Variants in CTDP1 observed in about 807,000 individuals in gnomAD.
CTDP1 encodes RNA polymerase II subunit A C-terminal domain phosphatase.
CTDP1 carries 47 observed loss-of-function variants against 91.8 expected under a neutral mutation model. That is an observed-to-expected ratio of 0.51 (90% CI 0.41 to 0.65). The LOEUF is 0.65. Among genes scored for constraint, CTDP1 ranks in the 30% least tolerant of loss-of-function variants. CTDP1 has a pLI of 0.00. For synonymous variants in CTDP1, 656 were observed against 598.5 expected, an observed-to-expected ratio of 1.10 and a Z score of -1.40; for missense variants, 1,272 against 1,373.7, an observed-to-expected ratio of 0.93 and a Z score of 1.17.
chr18:79,732,857 CA>C (rs1252170783), intron 11 of CTDP1, among the ~76,000 whole-genome samples: 5 of 152,094 alleles, frequency 3.3e-5, no homozygotes, highest in Admixed American at 1.3e-4. Flanking sequence ...GGAGCGCTCC[CA>C]AAATCATGTG....
At chr18:79,690,584 C>G (rs1156840861) in intron 1 of CTDP1, among the ~76,000 whole-genome samples, 1 of 152,216 alleles carries the variant, frequency 6.6e-6, no homozygotes, top group East Asian at 1.9e-4. Flanking sequence ...CCCCTGTTTT[C>G]TGTCAGCATC....
rs1474846600 is a variant in CTDP1 at position 79,753,835 on chromosome 18, G to T, written c.*45G>T. ...ACTGAAGCCTGACCGACCTCCAGCA[G>T]CACTCGGACGTCCCCGGACCAGCCC... On this transcript the variant is annotated 3_prime_UTR_variant, in exon 13 of 13. Transcript: ENST00000613122. The T allele has an allele frequency of 6.2e-7, 1 of 1,600,052 alleles. No individual in the cohort carries two copies. The highest frequency in any genetic ancestry group is 1.1e-5 in the South Asian group (1 of 89,528).
intron 10 of CTDP1, among the ~76,000 whole-genome samples, chr18:79,723,095 G>A (rs899151967): frequency 1.3e-5 from 2 of 152,194 alleles, no homozygotes; most frequent in East Asian, 1.9e-4. Context: ...CTGTATAAAC[G>A]GGTCCAGCGT....
chr18:79,703,955 A>G (rs2085910899), intron 4 of CTDP1, among the ~76,000 whole-genome samples: 1 of 152,058 alleles, frequency 6.6e-6, no homozygotes, highest in Non-Finnish European at 1.5e-5. Context: ...CGTTGCAGGC[A>G]GGTAGCTATT....
intron 11 of CTDP1, among the ~76,000 whole-genome samples, chr18:79,733,106 GCTGTGGCCTCAGCACAGGACGAAT>G (rs1190426994): frequency 6.6e-6 from 1 of 152,244 alleles, no homozygotes; most frequent in Non-Finnish European, 1.5e-5. Context: ...CAGTCCTCGT[GCTGTGGCCTCAGCACAGGACGAAT>G]GTGTGTTGTG....
chr18:79,705,013 C>T lies in CTDP1; in HGVS notation c.772+96C>T, dbSNP rs902261104. 10 of 1,558,810 alleles carry T rather than the reference C, an allele frequency of 6.4e-6. No individual in the cohort carries two copies. The African/African-American group carries it at 1.2e-4, about 19-fold the overall frequency. On this transcript the variant is annotated intron_variant, in intron 5 of 12. Coordinates refer to ENST00000613122, the MANE Select transcript of CTDP1 (RefSeq NM_004715.5). ...TAAAGATGAAGAAAGAAAAGAAGCT[C>T]TCCTGCAACTCAGTTGTAGTCTTAG... is the stretch of plus-strand genomic sequence containing the variant.
In CTDP1 at chr18:79,751,335, CAG is replaced by C. The variant is rs998476045; in HGVS notation, c.2748-2314_2748-2313del. Among the ~76,000 whole-genome samples, 22 of 149,110 alleles carry C rather than the reference CAG, an allele frequency of 1.5e-4. No homozygotes were observed. In the East Asian group the frequency reaches 4.1e-3, roughly 28 times the overall value. ...AGGCCAGGGAGGGAGGGGCTGGGCA[CAG>C]AGGCAGGTCCAGGAGGGAAGGAGGG... On this transcript the variant is annotated intron_variant, in intron 12 of 12. Transcript: ENST00000613122.
rs182288377 is a variant in CTDP1, at chr18:79,733,743, A to G, written c.2581-2612A>G. ...TCTTGTTTCCCGTCCTCTCTCTTGA[A>G]GCCGTCCCACCTCACTCCAGCGCAG... On this transcript the variant is annotated intron_variant, in intron 11 of 12. Transcript: ENST00000613122. Among the ~76,000 whole-genome samples the G allele has an allele frequency of 3.9e-3, 587 of 152,218 alleles. 7 individuals carry two copies. Among genetic ancestry groups the G allele is most frequent in the African/African-American group, 0.013 (546 of 41,522 alleles).
At chr18:79,716,558 G>A (rs1253660488) in intron 8 of CTDP1, among the ~76,000 whole-genome samples, 1 of 152,012 alleles carries the variant, frequency 6.6e-6, no homozygotes, top group Admixed American at 6.5e-5. Context: ...TCTCCTGAGC[G>A]TGGAGCCGGG....
intron 11 of CTDP1, chr18:79,736,091 C>G (rs1229314007): frequency 9.1e-6 from 5 of 551,108 alleles, no homozygotes; most frequent in Non-Finnish European, 1.3e-5. Context: ...AGTCCCTGTT[C>G]ACATAAGGGA....
intron 1 of CTDP1, among the ~76,000 whole-genome samples, chr18:79,690,579 G>C (rs1012256519): frequency 1.1e-4 from 16 of 152,200 alleles, no homozygotes; most frequent in African/African-American, 3.1e-4. Context: ...TTTCACCCCT[G>C]TTTTCTGTCA....
chr18:79,724,096 G>A lies in CTDP1; in HGVS notation c.2418-4811G>A, dbSNP rs191312839. On this transcript the variant is annotated intron_variant, in intron 10 of 12. Transcript: ENST00000613122. ...CAAAATTGGGAATGCTCCAAGGTTC[G>A]CATCTTTCTGAGCACGAAGATTCGC... Among the ~76,000 whole-genome samples the A allele has an allele frequency of 5.4e-4, 83 of 152,306 alleles. 1 individual carries two copies. The highest frequency in any genetic ancestry group is 5.9e-5 in the Non-Finnish European group (4 of 68,038).
At chr18:79,688,162 C>T (rs1268464838) in intron 1 of CTDP1, among the ~76,000 whole-genome samples, 1 of 152,248 alleles carries the variant, frequency 6.6e-6, no homozygotes. Flanking sequence ...AGGTGCAGAG[C>T]GTCAGCCACA....
At chr18:79,716,954 G>A (rs1326259024) in intron 8 of CTDP1, among the ~76,000 whole-genome samples, 1 of 152,154 alleles carries the variant, frequency 6.6e-6, no homozygotes, top group Non-Finnish European at 1.5e-5. Context: ...GCAGTGGGCA[G>A]CCCTGGTGGG....
chr18:79,684,981 C>G (rs1224403541), intron 1 of CTDP1, among the ~76,000 whole-genome samples: 1 of 148,782 alleles, frequency 6.7e-6, no homozygotes, highest in African/African-American at 2.5e-5. Context: ...GTGCTCCTTA[C>G]GGGGTGTGAG....
chr18:79,751,766 A>G (rs1288499168), intron 12 of CTDP1, among the ~76,000 whole-genome samples: 1 of 152,122 alleles, frequency 6.6e-6, no homozygotes, highest in East Asian at 1.9e-4. Flanking sequence ...TGTGTGTTAT[A>G]TGCCTGCTGT....
At chr18:79,695,580 A>G (rs1032542586) in intron 2 of CTDP1, among the ~76,000 whole-genome samples, 1 of 152,198 alleles carries the variant, frequency 6.6e-6, no homozygotes, top group Non-Finnish European at 1.5e-5. Context: ...CTGAAGACGC[A>G]GATCGCTGAG....
chr18:79,729,039 T>C lies in CTDP1; in HGVS notation c.2550T>C (p.Cys850=), dbSNP rs776602940. The C allele has an allele frequency of 6.2e-7, 1 of 1,613,816 alleles. No homozygotes were observed. Among genetic ancestry groups the C allele is most frequent in the South Asian group, 1.1e-5 (1 of 91,074 alleles). The change falls in exon 11 of 13, where the codon TGT becomes TGC. Residue 850 remains cysteine, a synonymous_variant. Transcript: ENST00000613122. ...AGACAATGCCGCTGTACACTCTTTG[T>C]AAGGAGGATTTAGAGAGTATGGACA... ...MSETMPLYTL[C]KEDLESMDKE...
chr18:79,722,988 G>T (rs545052346), intron 10 of CTDP1, among the ~76,000 whole-genome samples: 1 of 152,310 alleles, frequency 6.6e-6, no homozygotes, highest in East Asian at 1.9e-4. Flanking sequence ...GCTTGTCTGA[G>T]TTCATGTGGC....
Sources: allele counts gnomAD v4.1 joint callset (sites outside exome capture counted in the v4.1 genomes callset), GRCh38; gene constraint gnomAD v4.1.1; transcripts MANE v1.5; gene names NCBI Gene and HGNC (gene_info 2026-07-23, HGNC 2026-07-21).